DHRSX: variants seen among roughly 807,000 people sequenced by gnomAD.
DHRSX encodes polyprenol dehydrogenase.
A neutral mutation model predicts 34.0 loss-of-function variants in DHRSX; 31 were observed. That is an observed-to-expected ratio of 0.91 (90% CI 0.69 to 1.23). The LOEUF (loss-of-function observed/expected upper bound fraction) is 1.23. Among genes scored for constraint, DHRSX ranks in the 50% most tolerant of loss-of-function variants. The probability of loss-of-function intolerance (pLI) is 0.00; values close to 1 mark genes in which losing one functional copy is unlikely to be tolerated. For missense variants in DHRSX, 414 were observed against 428.1 expected (o/e 0.97, Z 0.29); for synonymous variants, 201 against 183.8 (o/e 1.09, Z -0.76).
At chrX:2,361,068 G>A (rs2042927845) in intron 3 of DHRSX, among the ~76,000 whole-genome samples, 1 of 152,114 alleles carries the variant, frequency 6.6e-6, no homozygotes, top group South Asian at 2.1e-4. Context: ...TTTGGTTAGA[G>A]AAAATGGAAC....
At chrX:2,312,171 C>A (rs761812141) in intron 3 of DHRSX, among the ~76,000 whole-genome samples, 55 of 152,202 alleles carry the variant, frequency 3.6e-4, no homozygotes, top group African/African-American at 1.3e-3. Context: ...ACTCTCTCCA[C>A]CCCCGACCAA....
intron 3 of DHRSX, among the ~76,000 whole-genome samples, chrX:2,311,574 A>G (rs1430711689): frequency 6.6e-6 from 1 of 152,186 alleles, no homozygotes; most frequent in Admixed American, 6.6e-5. Context: ...CCGCGAGGCA[A>G]AGAGCAGATG....
chrX:2,495,176 A>G (rs1047369095), intron 1 of DHRSX, among the ~76,000 whole-genome samples: 1 of 150,960 alleles, frequency 6.6e-6, no homozygotes, highest in Non-Finnish European at 1.5e-5. Flanking sequence ...AAGTCACAGT[A>G]CCCTGAACAA....
chrX:2,240,854 A>C (rs2016125512), intron 6 of DHRSX, among the ~76,000 whole-genome samples: 1 of 152,096 alleles, frequency 6.6e-6, no homozygotes, highest in Admixed American at 6.6e-5. Flanking sequence ...AAAGAAAGTA[A>C]ATCTATAGCT....
At chrX:2,419,664 C>T (rs1292215816) in intron 2 of DHRSX, among the ~76,000 whole-genome samples, 2 of 151,870 alleles carry the variant, frequency 1.3e-5, no homozygotes, top group African/African-American at 2.4e-5. Context: ...TCATGTCCTT[C>T]GTAGGGACAT....
intron 1 of DHRSX, among the ~76,000 whole-genome samples, chrX:2,493,352 C>T (rs2045206333): frequency 6.6e-6 from 1 of 152,028 alleles, no homozygotes; most frequent in Admixed American, 6.6e-5. Flanking sequence ...TTGGCTGAAA[C>T]AGGTTTTGGT....
At chrX:2,492,762 C>T (rs889021728) in intron 1 of DHRSX, among the ~76,000 whole-genome samples, 3 of 152,188 alleles carry the variant, frequency 2.0e-5, no homozygotes, top group Non-Finnish European at 4.4e-5. Context: ...AAGCACCCTC[C>T]GCGTAAGCCT....
intron 4 of DHRSX, among the ~76,000 whole-genome samples, chrX:2,271,959 TGAACCTGGGAG>T (rs1306441042): frequency 1.3e-5 from 2 of 152,026 alleles, no homozygotes; most frequent in East Asian, 3.9e-4. Context: ...GAGAATCGCT[TGAACCTGGGAG>T]GCAGAGGTTG....
intron 3 of DHRSX, among the ~76,000 whole-genome samples, chrX:2,347,417 G>GGC (rs2042734154): frequency 6.6e-6 from 1 of 152,218 alleles, no homozygotes; most frequent in South Asian, 2.1e-4. Context: ...TTTGGGGCCG[G>GGC]GCGCGGTGGC....
At chrX:2,322,888 C>T (rs748508291) in intron 3 of DHRSX, among the ~76,000 whole-genome samples, 2 of 152,136 alleles carry the variant, frequency 1.3e-5, no homozygotes, top group South Asian at 4.2e-4. Flanking sequence ...GCCCCTAACT[C>T]CCACATTGTT....
At chrX:2,433,308 C>T (rs1319270332) in intron 1 of DHRSX, among the ~76,000 whole-genome samples, 1 of 152,104 alleles carries the variant, frequency 6.6e-6, no homozygotes, top group Non-Finnish European at 1.5e-5. Flanking sequence ...AGTTTATATA[C>T]AGAACAGGCT....
intron 3 of DHRSX, among the ~76,000 whole-genome samples, chrX:2,312,965 C>T (rs1195871661): frequency 6.6e-6 from 1 of 152,010 alleles, no homozygotes; most frequent in East Asian, 1.9e-4. Flanking sequence ...CACCTTGTTC[C>T]TGTAAGCAAC....
At chrX:2,417,020 C>G in intron 2 of DHRSX, among the ~76,000 whole-genome samples, 1 of 152,068 alleles carries the variant, frequency 6.6e-6, no homozygotes, top group East Asian at 1.9e-4. Context: ...ATCCAATTAT[C>G]CTCAAAGTCA....
intron 1 of DHRSX, among the ~76,000 whole-genome samples, chrX:2,464,358 TGC>T (rs201670353): frequency 1.5e-5 from 1 of 67,754 alleles, no homozygotes; most frequent in Non-Finnish European, 3.1e-5. Flanking sequence ...GCCGCTGATG[TGC>T]ACACACTGAA....
chrX:2,326,431 G>A (rs958152186), intron 3 of DHRSX, among the ~76,000 whole-genome samples: 6 of 152,138 alleles, frequency 3.9e-5, no homozygotes, highest in African/African-American at 1.2e-4. Flanking sequence ...GCTGAGGCAG[G>A]AGAATTGCTT....
At chrX:2,494,843 C>T (rs185956958) in intron 1 of DHRSX, among the ~76,000 whole-genome samples, 30 of 151,782 alleles carry the variant, frequency 2.0e-4, no homozygotes, top group Admixed American at 1.5e-3. Flanking sequence ...ATTATTATTA[C>T]TGTCATTATT....
In DHRSX at chrX:2,459,964, C is replaced by T. The variant is rs749980097; in HGVS notation, c.110-34660G>A. On this transcript the variant is annotated intron_variant, in intron 1 of 6. Coordinates refer to ENST00000334651, the MANE Select transcript of DHRSX (RefSeq NM_145177.3). The stretch of plus-strand genomic sequence containing the variant: ...CTCTACTAAAAATACAAAAATTAGC[C>T]GGGTGTGGTGGCGGGCGACTGTAAT... Among the ~76,000 whole-genome samples the T allele has an allele frequency of 1.4e-3, 217 of 151,974 alleles. 2 individuals are homozygous for T. The highest frequency in any genetic ancestry group is 4.8e-3 in the African/African-American group (200 of 41,452).
At chrX:2,410,275 C>T (rs1321535896) in intron 2 of DHRSX, among the ~76,000 whole-genome samples, 1 of 152,118 alleles carries the variant, frequency 6.6e-6, no homozygotes. Flanking sequence ...CCAAAACTCC[C>T]TTTCAGGGAG....
intron 4 of DHRSX, among the ~76,000 whole-genome samples, chrX:2,282,405 A>G (rs745696510): frequency 3.2e-4 from 47 of 148,462 alleles, no homozygotes; most frequent in African/African-American, 1.1e-3. Context: ...AGAGAGAAAG[A>G]GAGAAAGGGG....
Sources: gnomAD v4.1 joint callset for allele counts (sites outside exome capture counted in the v4.1 genomes callset) on GRCh38, gnomAD v4.1.1 for gene constraint, MANE v1.5 for transcripts, NCBI Gene and HGNC (gene_info 2026-07-23, HGNC 2026-07-21) for gene names.